Variants in CNTN4 observed in about 807,000 individuals in gnomAD.
The protein encoded by CNTN4 is contactin-4.
Under a neutral mutation model 122.5 loss-of-function variants are expected in CNTN4, and 77 were observed. The observed-to-expected ratio is 0.63, with a 90% CI of 0.52 to 0.76. The LOEUF (loss-of-function observed/expected upper bound fraction) is 0.76, where lower values mean the gene tolerates loss of function less well. Among genes scored for constraint, CNTN4 ranks in the 30% least tolerant of loss-of-function variants. The pLI, the probability that CNTN4 is intolerant of heterozygous loss-of-function variation, is 0.00. For synonymous variants in CNTN4, 512 were observed against 447.0 expected, an observed-to-expected ratio of 1.15 and a Z score of -1.83; for missense variants, 1,256 against 1,259.1, an observed-to-expected ratio of 1.00 and a Z score of 0.04.
rs527439279 is a variant in CNTN4, at chr3:2,297,485, G to T, written c.-144-41693G>T. Among the ~76,000 whole-genome samples the T allele has an allele frequency of 3.3e-5, 5 of 152,256 alleles. No homozygotes were observed. The South Asian group carries it at 1.0e-3, about 32-fold the overall frequency. On this transcript the variant is annotated intron_variant, in intron 2 of 24. Transcript: ENST00000418658. ...AGATAAATCAGATTCCATCTCCTCA[G>T]TGCTGCCTATGCTGACCTGCCTATA...
chr3:2,607,002 C>T (rs1432318025), intron 4 of CNTN4, among the ~76,000 whole-genome samples: 2 of 152,158 alleles, frequency 1.3e-5, no homozygotes, highest in African/African-American at 4.8e-5. Context: ...TGTCCTTGTG[C>T]TTCGCTTCCA....
chr3:2,422,727 T>C (rs540245357), intron 3 of CNTN4, among the ~76,000 whole-genome samples: 1 of 152,324 alleles, frequency 6.6e-6, no homozygotes, highest in East Asian at 1.9e-4. Context: ...TGTCACATAG[T>C]GTAGAGATCT....
At chr3:2,387,473 G>A (rs1183103635) in intron 3 of CNTN4, among the ~76,000 whole-genome samples, 2 of 152,020 alleles carry the variant, frequency 1.3e-5, no homozygotes, top group East Asian at 3.8e-4. Context: ...TGACTATGAT[G>A]TTACATAATA....
intron 3 of CNTN4, among the ~76,000 whole-genome samples, chr3:2,515,906 C>CTA (rs60909830): frequency 0.2 from 30,234 of 151,382 alleles, 4,285 homozygotes; most frequent in African/African-American, 0.41. Flanking sequence ...GTACAGTTGA[C>CTA]TATATATATA....
chr3:2,996,193 TG>T (rs1328804957), intron 14 of CNTN4, among the ~76,000 whole-genome samples: 3 of 152,012 alleles, frequency 2.0e-5, no homozygotes, highest in South Asian at 4.1e-4. Flanking sequence ...TATATATTCA[TG>T]GGGGGAAAAA....
intron 4 of CNTN4, among the ~76,000 whole-genome samples, chr3:2,723,409 C>T (rs1434911166): frequency 1.3e-5 from 2 of 152,304 alleles, no homozygotes; most frequent in East Asian, 3.9e-4. Flanking sequence ...GCATAAAGAA[C>T]AGAAATTTAT....
intron 2 of CNTN4, among the ~76,000 whole-genome samples, chr3:2,289,563 A>T (rs934050564): frequency 2.0e-5 from 3 of 152,230 alleles, no homozygotes; most frequent in African/African-American, 7.2e-5. Context: ...GTCAGCATTT[A>T]TTGAACACAG....
intron 23 of CNTN4, among the ~76,000 whole-genome samples, chr3:3,048,576 G>A (rs535506292): frequency 1.3e-5 from 2 of 151,642 alleles, no homozygotes; most frequent in African/African-American, 4.8e-5. Flanking sequence ...GGTACCTCCC[G>A]TGATATCTCA....
At chr3:2,114,515 G>A (rs528288837) in intron 2 of CNTN4, among the ~76,000 whole-genome samples, 2 of 152,176 alleles carry the variant, frequency 1.3e-5, no homozygotes, top group South Asian at 4.2e-4. Flanking sequence ...ATGGCCATGG[G>A]CTTATGAGGA....
intron 3 of CNTN4, among the ~76,000 whole-genome samples, chr3:2,397,744 T>C (rs2046692658): frequency 6.6e-6 from 1 of 152,194 alleles, no homozygotes; most frequent in South Asian, 2.1e-4. Flanking sequence ...ATGTGTTCTG[T>C]TTCACTAACT....
At chr3:2,240,641 A>G (rs1244624915) in intron 2 of CNTN4, among the ~76,000 whole-genome samples, 2 of 152,156 alleles carry the variant, frequency 1.3e-5, no homozygotes, top group African/African-American at 4.8e-5. Context: ...TTCAACCTAC[A>G]TATGGAAGCT....
chr3:3,055,440 T>A (rs906489366), intron 24 of CNTN4, among the ~76,000 whole-genome samples: 1 of 152,232 alleles, frequency 6.6e-6, no homozygotes, highest in Admixed American at 6.5e-5. Flanking sequence ...AAACATGATC[T>A]GTTTCAAGAG....
At chr3:3,026,326 C>A in intron 15 of CNTN4, 49 bp downstream of exon 15, 1 of 1,461,166 alleles carries the variant, frequency 6.8e-7, no homozygotes, top group Non-Finnish European at 9.6e-7. Flanking sequence ...TTTAGACCAA[C>A]TTAACAATAT....
intron 14 of CNTN4, among the ~76,000 whole-genome samples, chr3:3,024,648 C>G (rs954057077): frequency 1.3e-5 from 2 of 151,914 alleles, no homozygotes; most frequent in Non-Finnish European, 2.9e-5. Context: ...AAAGTATATC[C>G]CACTACTAGA....
At chr3:2,674,617 G>C (rs1191699827) in intron 4 of CNTN4, among the ~76,000 whole-genome samples, 1 of 152,182 alleles carries the variant, frequency 6.6e-6, no homozygotes, top group Admixed American at 6.5e-5. Flanking sequence ...AATTAGCTGG[G>C]TGTGGTGGTG....
At chr3:2,282,655 C>A (rs2041761041) in intron 2 of CNTN4, among the ~76,000 whole-genome samples, 1 of 152,120 alleles carries the variant, frequency 6.6e-6, no homozygotes, top group Admixed American at 6.6e-5. Flanking sequence ...TAAAACTCTT[C>A]ATCAGAATTA....
At chr3:2,453,431 T>C (rs1181677910) in intron 3 of CNTN4, among the ~76,000 whole-genome samples, 1 of 152,180 alleles carries the variant, frequency 6.6e-6, no homozygotes, top group Non-Finnish European at 1.5e-5. Flanking sequence ...TAGCTGCTTG[T>C]TGTTAGTACT....
At chr3:2,149,803 C>G (rs1048197163) in intron 2 of CNTN4, among the ~76,000 whole-genome samples, 7 of 152,018 alleles carry the variant, frequency 4.6e-5, no homozygotes, top group Admixed American at 1.3e-4. Context: ...TGTGCAACTA[C>G]AGGTTGTGTA....
In CNTN4 at chr3:2,671,151, T is replaced by C. The variant is rs567715817; in HGVS notation, c.56-65064T>C. Among the ~76,000 whole-genome samples, 52 of 152,334 alleles carry C rather than the reference T, an allele frequency of 3.4e-4. 1 individual carries two copies. The highest frequency in any genetic ancestry group is 7.8e-4 in the Admixed American group (12 of 15,302). On this transcript the variant is annotated intron_variant, in intron 4 of 24. Coordinates refer to ENST00000418658, the MANE Select transcript of CNTN4 (RefSeq NM_175607.3). ...TTGAATGTTGGCCTGCCTTGCTAGA[T>C]TGGGGAAGTTCTGGATAATATCCTG... is the stretch of plus-strand genomic sequence containing the variant.
Sources: allele counts gnomAD v4.1 joint callset (sites outside exome capture counted in the v4.1 genomes callset), GRCh38; gene constraint gnomAD v4.1.1; transcripts MANE v1.5; gene names NCBI Gene and HGNC (gene_info 2026-07-23, HGNC 2026-07-21).